The following FANCM variants were observed in gnomAD, a reference collection of about 807,000 sequenced individuals.
The protein encoded by FANCM is Fanconi anemia group M protein.
In FANCM, 140 loss-of-function variants were observed where a neutral mutation model predicts 199.5. That is an observed-to-expected ratio of 0.70 (90% CI 0.61 to 0.81). The LOEUF (loss-of-function observed/expected upper bound fraction) is 0.81. Ranked by LOEUF, FANCM falls within the 30% of genes least tolerant of loss-of-function variation. The pLI is 0.00. For missense variants in FANCM, 2,410 were observed against 2,421.4 expected (o/e 1.00, Z 0.10); for synonymous variants, 840 against 836.8 (o/e 1.00, Z -0.07).
At chr14:45,168,226 T>C (rs939802238) in intron 11 of FANCM, among the ~76,000 whole-genome samples, 6 of 152,182 alleles carry the variant, frequency 3.9e-5, no homozygotes, top group Non-Finnish European at 7.4e-5. Flanking sequence ...CTCAGAGCCG[T>C]CAATCAATGT....
At chr14:45,174,852 G>T (rs1465814199) in intron 13 of FANCM, among the ~76,000 whole-genome samples, 1 of 151,816 alleles carries the variant, frequency 6.6e-6, no homozygotes, top group Non-Finnish European at 1.5e-5. Flanking sequence ...TAAGTACTGG[G>T]GATACAAAAA....
chr14:45,196,228 A>T lies in FANCM; in HGVS notation c.5397A>T (p.Arg1799Ser), dbSNP rs759165724. The T allele has an allele frequency of 6.8e-6, 11 of 1,613,910 alleles. No individual in the cohort carries two copies. The highest frequency in any genetic ancestry group is 8.5e-6 in the Non-Finnish European group (10 of 1,179,932). The change falls in exon 21 of 23, where the codon AGA becomes AGT. Residue 1799 changes from arginine (R) to serine (S), a missense_variant. Coordinates refer to ENST00000267430, the MANE Select transcript of FANCM (RefSeq NM_020937.4). ...STSGASCSKS[R>S]PHLAGTHTSL... The stretch of plus-strand genomic sequence containing the variant: ...CAGGGGCATCCTGTTCCAAGTCAAG[A>T]CCACATTTAGCTGGGACACATACTT...
intron 9 of FANCM, among the ~76,000 whole-genome samples, chr14:45,162,896 A>G (rs1420364180): frequency 6.6e-6 from 1 of 152,080 alleles, no homozygotes; most frequent in Non-Finnish European, 1.5e-5. Flanking sequence ...CAAAAAGGAC[A>G]TCTGCTTTAC....
chr14:45,194,065 G>A (rs935767182), intron 20 of FANCM, among the ~76,000 whole-genome samples: 2 of 152,070 alleles, frequency 1.3e-5, no homozygotes, highest in African/African-American at 4.8e-5. Context: ...ACTTTGGGAG[G>A]CCGAGGTGGG....
chr14:45,185,187 T>A (rs375423511), intron 17 of FANCM, 30 bp from the exon 18 acceptor site: 4 of 1,432,494 alleles, frequency 2.8e-6, no homozygotes, highest in Non-Finnish European at 3.9e-6. Flanking sequence ...CTCACTGATA[T>A]CTTCATGTTT....
chr14:45,146,378 T>G (rs1886385929), intron 3 of FANCM, among the ~76,000 whole-genome samples: 1 of 152,178 alleles, frequency 6.6e-6, no homozygotes, highest in Non-Finnish European at 1.5e-5. Flanking sequence ...TAGATAGTTG[T>G]CAAATTTGAT....
At chr14:45,177,029 G>T (rs1048202668) in intron 14 of FANCM, 53 bp downstream of exon 14, 25 of 1,174,410 alleles carry the variant, frequency 2.1e-5, no homozygotes, top group Middle Eastern at 2.6e-4. Flanking sequence ...AATTACTCTA[G>T]AAATACTTTG....
rs869298490 is a variant in FANCM at position 45,143,690 on chromosome 14, A to ATTT, written c.759+3000_759+3002dup. Among the ~76,000 whole-genome samples, 52 of 123,954 alleles carry ATTT rather than the reference A, an allele frequency of 4.2e-4. 1 individual carries two copies. The highest frequency in any genetic ancestry group is 3.6e-3 in the East Asian group (16 of 4,468). 81.3% of individuals were successfully genotyped at this position (123,954 alleles called of 152,430 possible). On this transcript the variant is annotated intron_variant, in intron 3 of 22. Coordinates refer to ENST00000267430, the MANE Select transcript of FANCM (RefSeq NM_020937.4). ...GAACGGTCTTCCATATTGAGTAAGG[A>ATTT]TTTTTTTTTTTTTTTTTTTTTGAGA...
chr14:45,167,186 A>T, intron 11 of FANCM, 23 bp downstream of exon 11: 1 of 1,408,822 alleles, frequency 7.1e-7, no homozygotes, highest in South Asian at 1.1e-5. Context: ...TGCATTTGAC[A>T]CATGCATTTT....
intron 9 of FANCM, among the ~76,000 whole-genome samples, chr14:45,161,389 G>A (rs937915711): frequency 5.9e-5 from 9 of 152,162 alleles, no homozygotes; most frequent in African/African-American, 2.2e-4. Context: ...GGCCCTATAT[G>A]TCATTTCCAT....
chr14:45,196,492 G>A lies in FANCM; in HGVS notation c.5661G>A (p.Leu1887=), dbSNP rs754173937. The A allele has an allele frequency of 2.5e-6, 4 of 1,614,070 alleles. No individual in the cohort carries two copies. The Admixed American group carries it at 5.0e-5, about 20-fold the overall frequency. ...KNKFIEQIQH[L]QSMFERICVI... is the part of the protein sequence containing the mutation. ...AGTTCATTGAGCAGATCCAGCACCT[G>A]CAGAGTATGTTTGAAAGAATATGTG... Residue 1887 remains leucine (L), a synonymous_variant, in exon 21 of 23, where the codon CTG becomes CTA. Transcript: ENST00000267430.
intron 17 of FANCM, among the ~76,000 whole-genome samples, chr14:45,184,452 AG>A (rs1179144011): frequency 6.6e-6 from 1 of 152,078 alleles, no homozygotes; most frequent in East Asian, 1.9e-4. Context: ...ACCTGAGATC[AG>A]GAGTTTGAGA....
intron 21 of FANCM, among the ~76,000 whole-genome samples, chr14:45,198,282 T>G (rs1890178439): frequency 6.6e-6 from 1 of 152,160 alleles, no homozygotes; most frequent in Non-Finnish European, 1.5e-5. Flanking sequence ...AGTTATTCTT[T>G]GGAATAAATA....
chr14:45,154,782 A>C lies in FANCM; in HGVS notation c.1269A>C (p.Thr423=), dbSNP rs1254756638. 1 of 1,607,728 alleles carries C rather than the reference A, an allele frequency of 6.2e-7. No individual in the cohort carries two copies. Among genetic ancestry groups the C allele is most frequent in the Non-Finnish European group, 8.5e-7 (1 of 1,175,504 alleles). The change falls in exon 7 of 23, where the codon ACA becomes ACC. Residue 423 remains threonine (T), a synonymous_variant. Transcript: ENST00000267430. ...ATCTAGAGTGTATGTTTGCACGTAC[A>C]CGTAGTACTTCAGCAAATGGTATTT... The part of the protein sequence containing the change: ...YNHLECMFAR[T]RSTSANGISA...
chr14:45,169,109 A>G (rs1175117467), intron 11 of FANCM, among the ~76,000 whole-genome samples: 2 of 151,460 alleles, frequency 1.3e-5, no homozygotes, highest in African/African-American at 2.4e-5. Context: ...TTTAGTAGAG[A>G]CGGGGTTTCT....
intron 6 of FANCM, 54 bp from the exon 7 acceptor site, chr14:45,154,643 C>CATT (rs1282800847): frequency 8.8e-7 from 1 of 1,139,838 alleles, no homozygotes; most frequent in East Asian, 2.6e-5. Context: ...ATAAATAATA[C>CATT]ATTTTATCAG....
At chr14:45,154,127 A>G in intron 6 of FANCM, 75 bp downstream of exon 6, 1 of 1,113,152 alleles carries the variant, frequency 9.0e-7, no homozygotes, top group South Asian at 1.3e-5. Flanking sequence ...AGGGCTGGGC[A>G]CAGTGGCTCA....
At position 45,154,709 on chromosome 14, in the gene FANCM, CA is replaced by C. The variant is rs2139171382; in HGVS notation, c.1202del (p.Asn401MetfsTer10). ...TTAATTTCTGAAGGGATGACACGGT[CA>C]AAAAATGAACTTGGCCGAAATGAAG... The part of the protein sequence containing the change: ...IMDGTKGMTR[S>X]KNELGRNEDF... On this transcript the variant is annotated frameshift_variant, in exon 7 of 23. Coordinates refer to ENST00000267430, the MANE Select transcript of FANCM (RefSeq NM_020937.4). LOFTEE classifies it high-confidence loss of function. 1.3e-6 allele frequency: 2 copies of C among 1,597,160 alleles called. No individual in the cohort carries two copies. Among genetic ancestry groups the C allele is most frequent in the East Asian group, 2.3e-5 (1 of 44,442 alleles).
chr14:45,145,361 A>C (rs76080764), intron 3 of FANCM, among the ~76,000 whole-genome samples: 5,307 of 151,970 alleles, frequency 0.035, 310 homozygotes, highest in African/African-American at 0.12. Flanking sequence ...CGTGCCCCCC[A>C]TGTTCATCGT....
Sources: gnomAD v4.1 joint callset for allele counts (sites outside exome capture counted in the v4.1 genomes callset) on GRCh38, gnomAD v4.1.1 for gene constraint, MANE v1.5 for transcripts, NCBI Gene and HGNC (gene_info 2026-07-23, HGNC 2026-07-21) for gene names.